The following RAP1GAP2 variants were observed in gnomAD, a reference collection of about 807,000 sequenced individuals.
RAP1GAP2 encodes the protein rap1 GTPase-activating protein 2.
RAP1GAP2 carries 27 observed loss-of-function variants against 95.0 expected under a neutral mutation model. The ratio of observed to expected loss-of-function variants is 0.28; its 90% CI spans 0.21 to 0.39. The LOEUF (loss-of-function observed/expected upper bound fraction) is 0.39, where lower values mean the gene tolerates loss of function less well. RAP1GAP2 is among the 10% of genes least tolerant of loss of function. The probability of loss-of-function intolerance (pLI) is 1.00; values close to 1 mark genes in which losing one functional copy is unlikely to be tolerated. For synonymous variants in RAP1GAP2, 373 were observed against 380.9 expected, an observed-to-expected ratio of 0.98 and a Z score of 0.24; for missense variants, 771 against 970.0, an observed-to-expected ratio of 0.79 and a Z score of 2.72.
chr17:2,917,327 AT>A (rs1664797027), intron 3 of RAP1GAP2, among the ~76,000 whole-genome samples: 2 of 151,894 alleles, frequency 1.3e-5, no homozygotes, highest in Non-Finnish European at 2.9e-5. Context: ...CTGGAGGGCA[AT>A]GGCGCGATCT....
chr17:2,909,831 A>G (rs1460542464), intron 3 of RAP1GAP2, among the ~76,000 whole-genome samples: 1 of 151,820 alleles, frequency 6.6e-6, no homozygotes, highest in Non-Finnish European at 1.5e-5. Context: ...TGTCCTGGGG[A>G]CTCAGACTGG....
At chr17:2,764,345 T>C (rs1012742487) in intron 1 of RAP1GAP2, among the ~76,000 whole-genome samples, 1 of 151,786 alleles carries the variant, frequency 6.6e-6, no homozygotes, top group Non-Finnish European at 1.5e-5. Context: ...GGCAGGCGAA[T>C]TGCATGAACC....
chr17:2,917,763 T>A (rs2042617132), intron 3 of RAP1GAP2, among the ~76,000 whole-genome samples: 1 of 152,090 alleles, frequency 6.6e-6, no homozygotes, highest in Admixed American at 6.6e-5. Context: ...TTGCCCAGGC[T>A]GAAGTACAAT....
chr17:2,980,302 G>C lies in RAP1GAP2; in HGVS notation c.612G>C (p.Thr204=). 1 of 1,613,804 alleles carries C rather than the reference G, an allele frequency of 6.2e-7. No individual in the cohort carries two copies. Among genetic ancestry groups the C allele is most frequent in the Non-Finnish European group, 8.5e-7 (1 of 1,179,850 alleles). The part of the protein sequence containing the change: ...LRVILRSKLK[T]VHERIPLAGL... ...TCTTGTGCAGGTCCAAACTGAAGAC[G>C]GTACATGAGCGGATCCCCTTGGCTG... The change falls in exon 9 of 25, where the codon ACG becomes ACC. Residue 204 remains threonine, a synonymous_variant. Transcript: ENST00000254695.
At chr17:2,860,187 C>CTGGT (rs2072319525) in intron 2 of RAP1GAP2, among the ~76,000 whole-genome samples, 1 of 152,180 alleles carries the variant, frequency 6.6e-6, no homozygotes, top group African/African-American at 2.4e-5. Context: ...GATCCACTCC[C>CTGGT]TGGTCCCAGA....
Position 3,030,568 on chromosome 17 carries a change from T to A in RAP1GAP2, c.2108-354T>A, listed in dbSNP as rs139240578. On this transcript the variant is annotated intron_variant, in intron 22 of 24. Coordinates refer to ENST00000254695, the MANE Select transcript of RAP1GAP2 (RefSeq NM_015085.5). ...TATACTGTAGCCACCATCTTTAGGG[T>A]GTTTCTACCACATGGATACAATAGA... Among the ~76,000 whole-genome samples the A allele has an allele frequency of 5.1e-3, 781 of 152,248 alleles. 7 individuals carry two copies. The highest frequency in any genetic ancestry group is 0.018 in the African/African-American group (731 of 41,540).
intron 3 of RAP1GAP2, among the ~76,000 whole-genome samples, chr17:2,945,946 C>G (rs1340630396): frequency 6.6e-6 from 1 of 151,960 alleles, no homozygotes. Context: ...CGTGCCACCA[C>G]GCCTGGGTAA....
rs535839068 is a variant in RAP1GAP2, at chr17:2,789,953, G to C, written c.-13-10562G>C. On this transcript the variant is annotated intron_variant, in intron 1 of 24. Transcript: ENST00000540393. ...TAGTCTGGACCTTGAGATAGTGCAGGTGGGCAGTGATCTGTGGACTGTAAA... is the reference window on the plus strand; with the variant it reads ...TAGTCTGGACCTTGAGATAGTGCAGCTGGGCAGTGATCTGTGGACTGTAAA... Among the ~76,000 whole-genome samples, 3 of 152,240 alleles carry C rather than the reference G, an allele frequency of 2.0e-5. No individual in the cohort carries two copies. The South Asian group carries it at 6.2e-4, about 32-fold the overall frequency.
intron 2 of RAP1GAP2, among the ~76,000 whole-genome samples, chr17:2,826,438 TGGGGATCCGCTC>T (rs2070568716): frequency 1.3e-5 from 2 of 150,972 alleles, no homozygotes; most frequent in Admixed American, 1.3e-4. Context: ...GAGGCGAGGG[TGGGGATCCGCTC>T]GGGGAGGCTC....
intron 2 of RAP1GAP2, among the ~76,000 whole-genome samples, chr17:2,819,318 C>CTT (rs75707961): frequency 8.2e-5 from 11 of 134,676 alleles, no homozygotes; most frequent in Admixed American, 7.6e-5. Flanking sequence ...CCATGCCTTG[C>CTT]TTTTTTTTTT....
intron 3 of RAP1GAP2, among the ~76,000 whole-genome samples, chr17:2,947,824 G>T (rs2043761206): frequency 6.6e-6 from 1 of 152,104 alleles, no homozygotes; most frequent in South Asian, 2.1e-4. Context: ...CGGGTTTAGA[G>T]AACTCTCCAG....
At chr17:2,790,314 G>A (rs1447961340) in intron 1 of RAP1GAP2, among the ~76,000 whole-genome samples, 1 of 152,140 alleles carries the variant, frequency 6.6e-6, no homozygotes, top group Non-Finnish European at 1.5e-5. Context: ...GTTTCTCCAT[G>A]TTGGTCAGGC....
chr17:2,984,325 G>A (rs1681631009), intron 10 of RAP1GAP2, among the ~76,000 whole-genome samples: 1 of 152,142 alleles, frequency 6.6e-6, no homozygotes, highest in South Asian at 2.1e-4. Context: ...TCCAGCCTGG[G>A]TGACAGAGCG....
upstream of RAP1GAP2, among the ~76,000 whole-genome samples, chr17:2,795,444 A>T (rs2069047309): frequency 1.3e-5 from 2 of 152,162 alleles, no homozygotes; most frequent in Admixed American, 1.3e-4. Flanking sequence ...TGGCATGAGG[A>T]CCAGCACCTG....
intron 2 of RAP1GAP2, among the ~76,000 whole-genome samples, chr17:2,834,519 C>T (rs1315838946): frequency 1.3e-5 from 2 of 152,094 alleles, no homozygotes; most frequent in African/African-American, 4.8e-5. Context: ...CCATCTTGGT[C>T]GAGGTGGTAT....
rs2072089430 is a variant in RAP1GAP2 at position 2,855,388 on chromosome 17, A to C, written c.81-49896A>C. ...CTTTAACACATTTTAAACACTTGCT[A>C]ATCTTCCTTTTGTAATTAAGAGAGA... On this transcript the variant is annotated intron_variant, in intron 2 of 24. Transcript: ENST00000254695. The surrounding 1 kb of genome is among the most constrained non-coding windows in gnomAD (Gnocchi z 4.3). Among the ~76,000 whole-genome samples, 1 of 152,188 alleles carries C rather than the reference A, an allele frequency of 6.6e-6. No homozygotes were observed. Among genetic ancestry groups the C allele is most frequent in the Non-Finnish European group, 1.5e-5 (1 of 68,044 alleles).
At chr17:2,862,372 A>C (rs2072437147) in intron 2 of RAP1GAP2, among the ~76,000 whole-genome samples, 1 of 152,190 alleles carries the variant, frequency 6.6e-6, no homozygotes, top group East Asian at 1.9e-4. Flanking sequence ...TGTGTGGTGC[A>C]CAGATGGCTG....
chr17:2,859,271 C>T (rs112841867), intron 2 of RAP1GAP2, among the ~76,000 whole-genome samples: 3,908 of 151,720 alleles, frequency 0.026, 162 homozygotes, highest in African/African-American at 0.088. Flanking sequence ...TCACTACGGC[C>T]GGCTAATTTT....
chr17:2,970,292 A>T (rs869290576), intron 8 of RAP1GAP2, among the ~76,000 whole-genome samples: 3 of 137,482 alleles, frequency 2.2e-5, no homozygotes, highest in Non-Finnish European at 4.5e-5. Context: ...AAAAAAAAAA[A>T]AAAATAATAA....
Sources: allele counts gnomAD v4.1 joint callset (sites outside exome capture counted in the v4.1 genomes callset), GRCh38; gene constraint gnomAD v4.1.1; non-coding constraint Gnocchi (gnomAD v3.1); transcripts MANE v1.5; gene names NCBI Gene and HGNC (gene_info 2026-07-23, HGNC 2026-07-21).